RPTOR: variants seen among roughly 807,000 people sequenced by gnomAD.
RPTOR encodes the protein regulatory associated protein of MTOR complex 1.
Under a neutral mutation model 169.9 loss-of-function variants are expected in RPTOR, and 21 were observed. That is an observed-to-expected ratio of 0.12 (90% CI 0.09 to 0.18). RPTOR has a LOEUF of 0.18. RPTOR is among the 10% of genes least tolerant of loss of function. The pLI is 1.00. For synonymous variants in RPTOR, 732 were observed against 753.2 expected (o/e 0.97, Z 0.46); for missense variants, 1,133 against 1,855.9 (o/e 0.61, Z 7.16).
At chr17:80,837,246 T>TCTA (rs2067574305) in intron 9 of RPTOR, among the ~76,000 whole-genome samples, 1 of 151,964 alleles carries the variant, frequency 6.6e-6, no homozygotes, top group Non-Finnish European at 1.5e-5. Context: ...GGGGAGCAGC[T>TCTA]CTATGCATGG....
rs577375626 is a variant in RPTOR, at chr17:80,651,371, T to C, written c.348+7561T>C. On this transcript the variant is annotated intron_variant, in intron 3 of 33. Transcript: ENST00000306801. This position sits in a 1 kb window ranked among gnomAD's most constrained non-coding sequence, Gnocchi z 4.1. Reference sequence around the variant, plus strand: ...AAGGGGGAAACGATCAATAACAGATTGGAGGGGGACGGCCACTTCAAAGTG... The same window carrying C: ...AAGGGGGAAACGATCAATAACAGATCGGAGGGGGACGGCCACTTCAAAGTG... Among the ~76,000 whole-genome samples the C allele has an allele frequency of 1.1e-4, 16 of 152,212 alleles. No individual in the cohort carries two copies. The highest frequency in any genetic ancestry group is 3.4e-4 in the African/African-American group (14 of 41,524).
At chr17:80,948,188 G>A (rs982142201) in intron 27 of RPTOR, among the ~76,000 whole-genome samples, 4 of 152,206 alleles carry the variant, frequency 2.6e-5, no homozygotes, top group Non-Finnish European at 4.4e-5. Context: ...CCTGTCGGCC[G>A]CAGCCCCTGG....
chr17:80,963,266 G>T (rs1018860704), intron 33 of RPTOR, among the ~76,000 whole-genome samples: 1 of 152,036 alleles, frequency 6.6e-6, no homozygotes, highest in Non-Finnish European at 1.5e-5. Context: ...CCCCAGTCCC[G>T]TCACTCCGGG....
At chr17:80,903,406 G>A (rs58830704) in intron 20 of RPTOR, among the ~76,000 whole-genome samples, 5,190 of 152,326 alleles carry the variant, frequency 0.034, 308 homozygotes, top group African/African-American at 0.12. Context: ...GGCACTGCCC[G>A]GCTCCTGGGA....
At chr17:80,758,056 C>A (rs943162989) in intron 6 of RPTOR, among the ~76,000 whole-genome samples, 2 of 152,204 alleles carry the variant, frequency 1.3e-5, no homozygotes, top group African/African-American at 4.8e-5. Flanking sequence ...TGTAATAAGA[C>A]CCATGCTAAT....
intron 1 of RPTOR, chr17:80,602,826 T>C (rs2065200273): frequency 4.8e-6 from 3 of 627,438 alleles, no homozygotes; most frequent in African/African-American, 3.7e-5. Context: ...GCCCACTCCG[T>C]GGACGCGCTG....
chr17:80,619,427 G>T (rs1434157314), intron 1 of RPTOR, among the ~76,000 whole-genome samples: 1 of 152,180 alleles, frequency 6.6e-6, no homozygotes, highest in Non-Finnish European at 1.5e-5. Context: ...TATCCAATCA[G>T]TTATGAAGGA....
chr17:80,822,351 C>G (rs745493343), intron 8 of RPTOR, 50 bp downstream of exon 8: 1 of 1,553,198 alleles, frequency 6.4e-7, no homozygotes, highest in South Asian at 1.1e-5. Context: ...CTTGAGTGCG[C>G]GGGGAGCCGA....
chr17:80,689,475 A>T (rs35725122), intron 3 of RPTOR, among the ~76,000 whole-genome samples: 26,766 of 152,228 alleles, frequency 0.18, 3,762 homozygotes, highest in African/African-American at 0.39. Context: ...CAGAGGAGAT[A>T]ATGTGGCTAG....
At chr17:80,769,102 T>C (rs2066816651) in intron 6 of RPTOR, among the ~76,000 whole-genome samples, 1 of 151,984 alleles carries the variant, frequency 6.6e-6, no homozygotes, top group Non-Finnish European at 1.5e-5. Flanking sequence ...GAGGGTGGCA[T>C]GTGTCCCACG....
intron 10 of RPTOR, among the ~76,000 whole-genome samples, chr17:80,841,939 G>A (rs548776848): frequency 5.9e-5 from 7 of 118,688 alleles, no homozygotes; most frequent in East Asian, 5.2e-4. Flanking sequence ...CTCACCGCAC[G>A]GCAGCTCACA....
intron 3 of RPTOR, among the ~76,000 whole-genome samples, chr17:80,649,238 C>T (rs1003732978): frequency 2.6e-5 from 4 of 152,196 alleles, no homozygotes; most frequent in Admixed American, 1.3e-4. Flanking sequence ...CAAGGTGGAC[C>T]GTTACTCGCT....
intron 8 of RPTOR, 127 bp downstream of exon 8, chr17:80,822,428 G>A: frequency 1.1e-6 from 1 of 933,422 alleles, no homozygotes; most frequent in Non-Finnish European, 1.7e-6. Context: ...ACAGTGGGAG[G>A]GGCTGAAAAG....
intron 1 of RPTOR, among the ~76,000 whole-genome samples, chr17:80,607,351 G>A (rs951335658): frequency 1.3e-5 from 2 of 152,108 alleles, no homozygotes; most frequent in Non-Finnish European, 2.9e-5. Context: ...TTTTGGTAAT[G>A]TTCAAAAAAT....
chr17:80,799,030 C>G (rs534075492), intron 7 of RPTOR, among the ~76,000 whole-genome samples: 2 of 152,178 alleles, frequency 1.3e-5, no homozygotes, highest in Non-Finnish European at 2.9e-5. Flanking sequence ...CCTGGGGAAG[C>G]GTTTGCATTG....
chr17:80,655,816 G>A (rs1373321690), intron 3 of RPTOR, among the ~76,000 whole-genome samples: 5 of 152,136 alleles, frequency 3.3e-5, no homozygotes, highest in African/African-American at 7.2e-5. Flanking sequence ...GACTGATGGA[G>A]TCAGCCGTTC....
intron 3 of RPTOR, among the ~76,000 whole-genome samples, chr17:80,699,448 A>T (rs535813212): frequency 1.4e-3 from 143 of 101,980 alleles, no homozygotes; most frequent in South Asian, 3.7e-3. Flanking sequence ...GATGGGGAGC[A>T]AGAGGTGCTA....
chr17:80,935,649 C>A (rs141874899), intron 24 of RPTOR, among the ~76,000 whole-genome samples: 1 of 152,128 alleles, frequency 6.6e-6, no homozygotes, highest in East Asian at 1.9e-4. Context: ...CAATTAACAA[C>A]CAGTTGTCAA....
chr17:80,741,662 C>T (rs2066482862), intron 5 of RPTOR, among the ~76,000 whole-genome samples: 1 of 152,194 alleles, frequency 6.6e-6, no homozygotes, highest in South Asian at 2.1e-4. Flanking sequence ...GGAAGGGTGA[C>T]AGGGCATACA....
Sources: allele counts gnomAD v4.1 joint callset (sites outside exome capture counted in the v4.1 genomes callset), GRCh38; gene constraint gnomAD v4.1.1; non-coding constraint Gnocchi (gnomAD v3.1); transcripts MANE v1.5; gene names NCBI Gene and HGNC (gene_info 2026-07-23, HGNC 2026-07-21).